DST: variants seen among roughly 807,000 people sequenced by gnomAD.
DST encodes the protein bullous pemphigoid antigen.
DST carries 253 observed loss-of-function variants against 875.2 expected under a neutral mutation model. The observed-to-expected ratio is 0.29, with a 90% confidence interval of 0.26 to 0.32. The LOEUF is 0.32. DST is among the 10% of genes least tolerant of loss of function. DST has a pLI of 1.00. For synonymous variants in DST, 3,124 were observed against 3,197.1 expected (o/e 0.98, Z 0.77); for missense variants, 8,287 against 9,111.6 (o/e 0.91, Z 3.68).
At chr6:56,657,120 T>C (rs2099012811) in intron 10 of DST, among the ~76,000 whole-genome samples, 1 of 152,136 alleles carries the variant, frequency 6.6e-6, no homozygotes, top group Non-Finnish European at 1.5e-5. Context: ...CTAATAATTA[T>C]TTAATTTCTT....
intron 3 of DST, among the ~76,000 whole-genome samples, chr6:56,855,616 T>C (rs2127584037): frequency 6.6e-6 from 1 of 152,370 alleles, no homozygotes; most frequent in East Asian, 1.9e-4. Context: ...CATGCATTTG[T>C]AGGATTATTG....
At position 56,851,576 on chromosome 6, in the gene DST, G is replaced by A; in HGVS notation, c.446C>T (p.Ser149Phe). The stretch of plus-strand genomic sequence containing the variant: ...GGAAAAATCCGCAGAGGAAGACATA[G>A]AGCAGCGATAGGACGCGTTCCCGGA... ...PSSGNASYRC[S>F]MSSSADFSDE... The change falls in exon 4 of 104, where the codon TCT becomes TTT. Residue 149 changes from serine to phenylalanine, a missense_variant. Transcript: ENST00000680361. 1 of 1,613,972 alleles carries A rather than the reference G, an allele frequency of 6.2e-7. No individual in the cohort carries two copies. The highest frequency in any genetic ancestry group is 8.5e-7 in the Non-Finnish European group (1 of 1,179,882).
chr6:56,704,171 C>T, intron 6 of DST, 109 bp downstream of exon 6: 1 of 528,316 alleles, frequency 1.9e-6, no homozygotes, highest in Non-Finnish European at 3.2e-6. Flanking sequence ...ATTCATAGCT[C>T]AAAAGATGAA....
At chr6:56,817,328 A>G (rs1215177567) in intron 4 of DST, among the ~76,000 whole-genome samples, 1 of 152,208 alleles carries the variant, frequency 6.6e-6, no homozygotes, top group Middle Eastern at 3.2e-3. Context: ...TCAACTAAGA[A>G]AATAACATAG....
At chr6:56,846,811 C>T (rs1355622363) in intron 4 of DST, among the ~76,000 whole-genome samples, 6 of 151,864 alleles carry the variant, frequency 4.0e-5, no homozygotes, top group African/African-American at 1.2e-4. Context: ...CGAAACTAGC[C>T]TGCACAACAT....
intron 10 of DST, among the ~76,000 whole-genome samples, chr6:56,653,638 T>A (rs1250534615): frequency 6.6e-6 from 1 of 152,116 alleles, no homozygotes; most frequent in Non-Finnish European, 1.5e-5. Flanking sequence ...TGAGCCGAGA[T>A]CATGCCACTG....
intron 2 of DST, among the ~76,000 whole-genome samples, chr6:56,949,281 G>T (rs201570705): frequency 1.3e-5 from 2 of 152,094 alleles, no homozygotes; most frequent in African/African-American, 4.8e-5. Context: ...TTTGTGTTTT[G>T]TCACCATGTA....
rs1461422212 is a variant in DST at position 56,497,913 on chromosome 6, T to C, written c.20037A>G (p.Gln6679=). The C allele has an allele frequency of 6.2e-7, 1 of 1,613,158 alleles. No homozygotes were observed. Among genetic ancestry groups the C allele is most frequent in the South Asian group, 1.1e-5 (1 of 90,984 alleles). The change falls in exon 81 of 104, where the codon CAA becomes CAG. Residue 6679 remains glutamine (Q), a synonymous_variant. Transcript: ENST00000680361. ...NKLEVLNQRW[Q]NVLEKTEQRK... ...TTTGTTCTGTTTTTTCCAAAACATT[T>C]TGCCAGCGTTGATTTAAAACCTCTA...
At chr6:56,541,604 C>G (rs1410763616) in intron 61 of DST, 1 of 152,358 alleles carries the variant, frequency 6.6e-6, no homozygotes, top group Non-Finnish European at 1.5e-5. Flanking sequence ...TATTGCAGCT[C>G]TTGACACAGA....
intron 55 of DST, among the ~76,000 whole-genome samples, chr6:56,564,850 T>A (rs2097632035): frequency 1.3e-5 from 2 of 152,238 alleles, no homozygotes; most frequent in South Asian, 4.1e-4. Flanking sequence ...TTGTTGGTTC[T>A]GTTTATGTGA....
intron 4 of DST, among the ~76,000 whole-genome samples, chr6:56,847,715 T>C (rs2127569639): frequency 6.6e-6 from 1 of 152,344 alleles, no homozygotes; most frequent in East Asian, 1.9e-4. Flanking sequence ...CATGCCTCCC[T>C]TCTCCCCTCA....
At chr6:56,744,629 T>C (rs1589521252) in intron 4 of DST, among the ~76,000 whole-genome samples, 1 of 152,168 alleles carries the variant, frequency 6.6e-6, no homozygotes, top group East Asian at 1.9e-4. Context: ...AACAGGGAGC[T>C]GGGTGAAAAC....
intron 102 of DST, chr6:56,461,196 T>C (rs1562132863): frequency 6.6e-6 from 1 of 152,192 alleles, no homozygotes; most frequent in Non-Finnish European, 1.5e-5. Context: ...TGAGTTACTC[T>C]TATTAATATT....
intron 4 of DST, among the ~76,000 whole-genome samples, chr6:56,739,523 C>T (rs1247746101): frequency 6.6e-6 from 1 of 152,090 alleles, no homozygotes; most frequent in African/African-American, 2.4e-5. Flanking sequence ...TAGAGCAACT[C>T]CATCTTGAAT....
Position 56,458,922 on chromosome 6 carries a change from A to G in DST, c.*83T>C. ...TTAAACTCGCCTCTTGCAATATTTC[A>G]CAAGAATTTCTACACCATATTTTAC... On this transcript the variant is annotated 3_prime_UTR_variant, in exon 104 of 104. Transcript: ENST00000680361. 2.2e-6 allele frequency: 3 copies of G among 1,366,458 alleles called. No individual in the cohort carries two copies. Among genetic ancestry groups the G allele is most frequent in the Middle Eastern group, 1.9e-4 (1 of 5,180 alleles). 84.6% of individuals were successfully genotyped at this position (1,366,458 alleles called of 1,614,324 possible).
At chr6:56,583,861 C>A (rs868114354) in intron 49 of DST, among the ~76,000 whole-genome samples, 1 of 152,122 alleles carries the variant, frequency 6.6e-6, no homozygotes, top group Non-Finnish European at 1.5e-5. Context: ...GGAATCCTTT[C>A]CCCATTGCTT....
At chr6:56,850,112 A>G (rs1764319561) in intron 4 of DST, among the ~76,000 whole-genome samples, 1 of 152,112 alleles carries the variant, frequency 6.6e-6, no homozygotes, top group African/African-American at 2.4e-5. Context: ...GCTCACTCTC[A>G]GTCTCCATCC....
At chr6:56,682,707 C>G (rs545846102) in intron 9 of DST, among the ~76,000 whole-genome samples, 202 of 152,312 alleles carry the variant, frequency 1.3e-3, no homozygotes, top group African/African-American at 4.6e-3. Context: ...GTGCTGTCAC[C>G]AGACATATGC....
At chr6:56,514,816 C>A (rs1344054664) in intron 72 of DST, among the ~76,000 whole-genome samples, 2 of 152,250 alleles carry the variant, frequency 1.3e-5, no homozygotes, top group African/African-American at 4.8e-5. Context: ...GAAAAGAGGG[C>A]TTTATGTGCC....
Sources: allele counts gnomAD v4.1 joint callset (sites outside exome capture counted in the v4.1 genomes callset), GRCh38; gene constraint gnomAD v4.1.1; transcripts MANE v1.5; gene names NCBI Gene and HGNC (gene_info 2026-07-23, HGNC 2026-07-21).